Variants in CMTM8 observed in about 807,000 individuals in gnomAD.
CMTM8 encodes the protein CKLF-like MARVEL transmembrane domain-containing protein 8.
Under a neutral mutation model 18.6 loss-of-function variants are expected in CMTM8, and 12 were observed. The ratio of observed to expected loss-of-function variants is 0.65; its 90% CI spans 0.41 to 1.05. The LOEUF is 1.05. CMTM8 is among the 50% of genes least tolerant of loss of function. CMTM8 has a pLI of 0.00. For synonymous variants in CMTM8, 87 were observed against 90.6 expected, an observed-to-expected ratio of 0.96 and a Z score of 0.23; for missense variants, 217 against 227.2, an observed-to-expected ratio of 0.95 and a Z score of 0.29.
chr3:32,301,998 A>G (rs1027716020), intron 1 of CMTM8, among the ~76,000 whole-genome samples: 2 of 152,122 alleles, frequency 1.3e-5, no homozygotes, highest in Middle Eastern at 3.2e-3. Flanking sequence ...CGGTGGAATT[A>G]AGAGTGATCA....
chr3:32,264,437 A>G (rs1463682350), intron 1 of CMTM8, among the ~76,000 whole-genome samples: 3 of 152,250 alleles, frequency 2.0e-5, no homozygotes, highest in Non-Finnish European at 4.4e-5. Flanking sequence ...CTGCCCTACA[A>G]GAGCTCCTGA....
intron 1 of CMTM8, among the ~76,000 whole-genome samples, chr3:32,312,852 A>G (rs1695846978): frequency 6.6e-6 from 1 of 151,818 alleles, no homozygotes; most frequent in Non-Finnish European, 1.5e-5. Flanking sequence ...TGTGGTTGAA[A>G]GGGGCTTGTT....
At chr3:32,365,037 T>C (rs575298208) in intron 2 of CMTM8, among the ~76,000 whole-genome samples, 2 of 152,210 alleles carry the variant, frequency 1.3e-5, no homozygotes, top group South Asian at 4.2e-4. Flanking sequence ...ATGTGGAGAA[T>C]GGTGAGACCC....
chr3:32,359,242 T>C (rs778366450), intron 2 of CMTM8, among the ~76,000 whole-genome samples: 213 of 152,340 alleles, frequency 1.4e-3, no homozygotes, highest in Non-Finnish European at 2.6e-3. Flanking sequence ...GCCTGCAGCA[T>C]TGAGAGAAGC....
chr3:32,246,997 A>T (rs1255722509), intron 1 of CMTM8, among the ~76,000 whole-genome samples: 1 of 152,136 alleles, frequency 6.6e-6, no homozygotes, highest in African/African-American at 2.4e-5. Flanking sequence ...GCTACTCTGG[A>T]GACTGAGGCA....
intron 1 of CMTM8, among the ~76,000 whole-genome samples, chr3:32,295,455 C>CAAAAAAAAAAAAAAAAAAAAAAAA (rs1400148634): frequency 7.3e-5 from 2 of 27,550 alleles, no homozygotes; most frequent in Non-Finnish European, 1.3e-4. Flanking sequence ...GACTCCATCT[C>CAAAAAAAAAAAAAAAAAAAAAAAA]AAAAAAAAAA....
intron 1 of CMTM8, among the ~76,000 whole-genome samples, chr3:32,276,933 G>A (rs780578942): frequency 5.9e-5 from 9 of 151,962 alleles, no homozygotes; most frequent in Non-Finnish European, 1.0e-4. Flanking sequence ...TGTCACCCAG[G>A]CTAGAGTGCA....
chr3:32,272,007 G>C (rs1702445704), intron 1 of CMTM8, among the ~76,000 whole-genome samples: 1 of 152,050 alleles, frequency 6.6e-6, no homozygotes, highest in Non-Finnish European at 1.5e-5. Flanking sequence ...GTCTTTCTTT[G>C]CTCATTGTTC....
intron 1 of CMTM8, among the ~76,000 whole-genome samples, chr3:32,325,877 C>G (rs1466763385): frequency 1.3e-5 from 2 of 152,078 alleles, no homozygotes; most frequent in African/African-American, 4.8e-5. Context: ...GAGCAGCTAA[C>G]TGAAATGCCA....
intron 1 of CMTM8, among the ~76,000 whole-genome samples, chr3:32,253,019 G>A (rs1702133740): frequency 6.6e-6 from 1 of 152,142 alleles, no homozygotes; most frequent in Admixed American, 6.5e-5. Flanking sequence ...TGTTTTGGTG[G>A]GGAAGTGCTT....
intron 1 of CMTM8, among the ~76,000 whole-genome samples, chr3:32,278,925 T>C (rs926140522): frequency 2.6e-5 from 4 of 152,116 alleles, no homozygotes; most frequent in African/African-American, 9.7e-5. Context: ...CGTGGCTAAA[T>C]TGGCTTCCAT....
chr3:32,363,060 T>G (rs1330657800), intron 2 of CMTM8, among the ~76,000 whole-genome samples: 1 of 152,236 alleles, frequency 6.6e-6, no homozygotes, highest in Non-Finnish European at 1.5e-5. Context: ...ACACAACTCT[T>G]TAACAATATG....
At chr3:32,368,083 C>A (rs1271824684) in intron 3 of CMTM8, 95 bp downstream of exon 3, 4 of 847,196 alleles carry the variant, frequency 4.7e-6, no homozygotes, top group African/African-American at 3.4e-5. Context: ...GAAAAAGCAG[C>A]GCTTGCAGTA....
rs960254439 is a variant in CMTM8 at position 32,343,939 on chromosome 3, G to C, written c.148-13434G>C. On this transcript the variant is annotated intron_variant, in intron 1 of 3. Coordinates refer to ENST00000307526, the MANE Select transcript of CMTM8 (RefSeq NM_178868.5). ...TGGTCTCAAACTCCTGACCTCGAGT[G>C]ATCTGCCCTTCGCAGCCTCCCAAAG... is the stretch of plus-strand genomic sequence containing the variant. Among the ~76,000 whole-genome samples, 5 of 152,326 alleles carry C rather than the reference G, an allele frequency of 3.3e-5. No homozygotes were observed. In the South Asian group the frequency reaches 1.0e-3, roughly 32 times the overall value.
chr3:32,275,644 CTTTT>C (rs771943263), intron 1 of CMTM8, among the ~76,000 whole-genome samples: 3,534 of 78,112 alleles, frequency 0.045, 75 homozygotes, highest in Non-Finnish European at 0.062. Context: ...CATGTACTTC[CTTTT>C]TTTTTTTTTT....
Position 32,315,126 on chromosome 3 carries a change from TTC to T in CMTM8, c.148-42245_148-42244del, listed in dbSNP as rs763454803. Among the ~76,000 whole-genome samples the T allele has an allele frequency of 9.5e-4, 118 of 124,196 alleles. 1 individual carries two copies. The highest frequency in any genetic ancestry group is 2.3e-3 in the African/African-American group (85 of 36,710). 81.5% of individuals were successfully genotyped at this position (124,196 alleles called of 152,430 possible). A position where few individuals can be genotyped will look rare whatever the true frequency, so the allele number is the denominator to read the frequency against. ...AGCCTCTGTTTTCTTCTTCTTCTTC[TTC>T]TTTTTTTTTTTTTCTTTTTGAGATG... On this transcript the variant is annotated intron_variant, in intron 1 of 3. Coordinates refer to ENST00000307526, the MANE Select transcript of CMTM8 (RefSeq NM_178868.5).
chr3:32,271,189 T>C lies in CMTM8; in HGVS notation c.147+32070T>C, dbSNP rs532694637. On this transcript the variant is annotated intron_variant, in intron 1 of 3. Transcript: ENST00000307526. The stretch of plus-strand genomic sequence containing the variant: ...TTGCCCAGGCTGGAGTGCAATGGCG[T>C]GATCTCAGCTCACCACAACCTCTGC... 2.0e-5 allele frequency among the ~76,000 whole-genome samples: 3 copies of C among 152,278 alleles called. No individual in the cohort carries two copies. The South Asian group carries it at 6.2e-4, about 32-fold the overall frequency.
At chr3:32,268,860 G>A (rs1226984420) in intron 1 of CMTM8, among the ~76,000 whole-genome samples, 2 of 152,164 alleles carry the variant, frequency 1.3e-5, no homozygotes, top group Non-Finnish European at 2.9e-5. Flanking sequence ...TCCTTATCTT[G>A]CCTTGCCCTT....
intron 1 of CMTM8, among the ~76,000 whole-genome samples, chr3:32,267,233 A>G (rs959162452): frequency 6.6e-6 from 1 of 152,154 alleles, no homozygotes; most frequent in African/African-American, 2.4e-5. Flanking sequence ...AAACAGCATG[A>G]TACTGGTACC....
Sources: allele counts gnomAD v4.1 joint callset (sites outside exome capture counted in the v4.1 genomes callset), GRCh38; gene constraint gnomAD v4.1.1; transcripts MANE v1.5; gene names NCBI Gene and HGNC (gene_info 2026-07-23, HGNC 2026-07-21).